The following CHCHD6 variants were observed in gnomAD, a reference collection of about 807,000 sequenced individuals.
CHCHD6 encodes coiled-coil-helix-coiled-coil-helix domain containing 6.
A neutral mutation model predicts 32.3 loss-of-function variants in CHCHD6; 28 were observed. The observed-to-expected ratio is 0.87, with a 90% CI of 0.64 to 1.19. The LOEUF is 1.19. Ranked by LOEUF, CHCHD6 falls within the 50% of genes most tolerant of loss-of-function variation. The pLI is 0.00. For synonymous variants in CHCHD6, 122 were observed against 117.5 expected, an observed-to-expected ratio of 1.04 and a Z score of -0.25; for missense variants, 333 against 307.0, an observed-to-expected ratio of 1.08 and a Z score of -0.63.
intron 6 of CHCHD6, among the ~76,000 whole-genome samples, chr3:126,936,560 CTTTTT>C (rs1376576191): frequency 6.6e-6 from 1 of 151,986 alleles, no homozygotes; most frequent in African/African-American, 2.4e-5. Flanking sequence ...GTAACTGTTT[CTTTTT>C]TTCTTTTTGA....
At chr3:126,951,337 C>T (rs1444740286) in intron 6 of CHCHD6, among the ~76,000 whole-genome samples, 2 of 152,136 alleles carry the variant, frequency 1.3e-5, no homozygotes, top group Non-Finnish European at 2.9e-5. Context: ...AGTGTGAAAA[C>T]AGACTAATAC....
intron 4 of CHCHD6, among the ~76,000 whole-genome samples, chr3:126,818,102 A>G (rs946127753): frequency 5.3e-5 from 8 of 152,166 alleles, no homozygotes; most frequent in African/African-American, 1.4e-4. Flanking sequence ...GGGAAGTGTC[A>G]CAGTGTTTTC....
At chr3:126,864,715 TCCA>T (rs1942180603) in intron 5 of CHCHD6, among the ~76,000 whole-genome samples, 1 of 123,074 alleles carries the variant, frequency 8.1e-6, no homozygotes, top group African/African-American at 3.3e-5. Context: ...CTCTTCCTCC[TCCA>T]CCATCATCTC....
chr3:126,839,195 A>G (rs1378798332), intron 4 of CHCHD6, among the ~76,000 whole-genome samples: 2 of 152,130 alleles, frequency 1.3e-5, no homozygotes, highest in Non-Finnish European at 2.9e-5. Context: ...TGGCCATTTT[A>G]TTCTTGTAGG....
At chr3:126,912,276 C>T (rs574043729) in intron 5 of CHCHD6, among the ~76,000 whole-genome samples, 1 of 152,294 alleles carries the variant, frequency 6.6e-6, no homozygotes, top group African/African-American at 2.4e-5. Context: ...GGCGGAAGGG[C>T]GTCTGCATGG....
chr3:126,802,332 T>C (rs1939120936), intron 4 of CHCHD6, among the ~76,000 whole-genome samples: 1 of 152,128 alleles, frequency 6.6e-6, no homozygotes, highest in South Asian at 2.1e-4. Flanking sequence ...TTTAGACGAA[T>C]GTATAACTAG....
chr3:126,858,616 C>T (rs926951637), intron 5 of CHCHD6, among the ~76,000 whole-genome samples: 4 of 152,292 alleles, frequency 2.6e-5, no homozygotes, highest in Middle Eastern at 3.4e-3. Context: ...GTGTTTGCCT[C>T]GCCTCCTCGT....
intron 3 of CHCHD6, 50 bp from the exon 4 acceptor site, chr3:126,733,028 T>TCCATA: frequency 6.2e-7 from 1 of 1,602,374 alleles, no homozygotes; most frequent in Non-Finnish European, 8.5e-7. Flanking sequence ...GGCTATGGGC[T>TCCATA]GCCCGTCATG....
chr3:126,801,748 C>A (rs1455814410), intron 4 of CHCHD6, among the ~76,000 whole-genome samples: 1 of 152,252 alleles, frequency 6.6e-6, no homozygotes, highest in Non-Finnish European at 1.5e-5. Flanking sequence ...TGAGAACGGG[C>A]AGACTGCCTC....
chr3:126,736,059 A>G (rs756860746), intron 4 of CHCHD6, among the ~76,000 whole-genome samples: 9 of 152,190 alleles, frequency 5.9e-5, no homozygotes, highest in Admixed American at 1.3e-4. Flanking sequence ...GCTTCTAAAG[A>G]AGGGGGGCTC....
At chr3:126,805,875 C>T (rs1211877939) in intron 4 of CHCHD6, among the ~76,000 whole-genome samples, 2 of 152,154 alleles carry the variant, frequency 1.3e-5, no homozygotes, top group African/African-American at 4.8e-5. Flanking sequence ...TGGAACAGAA[C>T]AGAGCCCTCA....
chr3:126,875,112 C>T (rs1337548396), intron 5 of CHCHD6, among the ~76,000 whole-genome samples: 6 of 152,370 alleles, frequency 3.9e-5, no homozygotes, highest in Non-Finnish European at 4.4e-5. Flanking sequence ...TGTTTCCTAG[C>T]CCCTGTGTTG....
chr3:126,838,892 C>CTTTTT (rs1217788517), intron 4 of CHCHD6, among the ~76,000 whole-genome samples: 1 of 139,580 alleles, frequency 7.2e-6, no homozygotes, highest in Non-Finnish European at 1.6e-5. Flanking sequence ...TTCTTTTTTC[C>CTTTTT]TTTTTTTTTT....
chr3:126,870,660 C>T (rs2077455126), intron 5 of CHCHD6, among the ~76,000 whole-genome samples: 1 of 152,172 alleles, frequency 6.6e-6, no homozygotes, highest in African/African-American at 2.4e-5. Context: ...AGCCACATTC[C>T]CACATTCTGC....
chr3:126,761,781 C>T (rs1937170254), intron 4 of CHCHD6, among the ~76,000 whole-genome samples: 1 of 152,176 alleles, frequency 6.6e-6, no homozygotes, highest in Non-Finnish European at 1.5e-5. Flanking sequence ...CCATCTGGTT[C>T]TGGACTTTTC....
chr3:126,849,388 C>T (rs148623196), intron 4 of CHCHD6, among the ~76,000 whole-genome samples: 192 of 152,272 alleles, frequency 1.3e-3, no homozygotes, highest in African/African-American at 4.5e-3. Context: ...TGAACTTGTC[C>T]GTGTCTTTTT....
At chr3:126,865,753 G>A in intron 5 of CHCHD6, 2 of 983,844 alleles carry the variant, frequency 2.0e-6, no homozygotes, top group Middle Eastern at 5.2e-4. Flanking sequence ...GTTTGCTAAA[G>A]ATGTGTTTCT....
At chr3:126,863,219 T>C (rs1450710021) in intron 5 of CHCHD6, among the ~76,000 whole-genome samples, 39 of 54,884 alleles carry the variant, frequency 7.1e-4, no homozygotes, top group Non-Finnish European at 8.0e-4. Flanking sequence ...TCTACCACCA[T>C]CACCACCTCC....
intron 4 of CHCHD6, among the ~76,000 whole-genome samples, chr3:126,754,351 G>T (rs1010674503): frequency 2.0e-5 from 3 of 152,184 alleles, no homozygotes; most frequent in Non-Finnish European, 2.9e-5. Context: ...ATAGGTCCTA[G>T]AAAGCAATCA....
Sources: allele counts gnomAD v4.1 joint callset (sites outside exome capture counted in the v4.1 genomes callset), GRCh38; gene constraint gnomAD v4.1.1; transcripts MANE v1.5; gene names NCBI Gene and HGNC (gene_info 2026-07-23, HGNC 2026-07-21).